CORO2B: variants seen among roughly 807,000 people sequenced by gnomAD.
The protein encoded by CORO2B is coronin-2B.
CORO2B carries 26 observed loss-of-function variants against 58.8 expected under a neutral mutation model. The observed-to-expected ratio is 0.44, with a 90% CI of 0.32 to 0.61. The LOEUF is 0.61. CORO2B is among the 20% of genes least tolerant of loss of function. The pLI, the probability that CORO2B is intolerant of heterozygous loss-of-function variation, is 0.04. For synonymous variants in CORO2B, 242 were observed against 253.8 expected (o/e 0.95, Z 0.44); for missense variants, 460 against 645.1 (o/e 0.71, Z 3.11).
intron 1 of CORO2B, among the ~76,000 whole-genome samples, chr15:68,614,259 A>G (rs146332413): frequency 4.1e-4 from 63 of 152,352 alleles, no homozygotes; most frequent in African/African-American, 1.5e-3. Context: ...TAAGTCCCCA[A>G]TTCTGCTTCT....
upstream of CORO2B, among the ~76,000 whole-genome samples, chr15:68,577,994 G>C (rs1899322127): frequency 6.6e-6 from 1 of 152,132 alleles, no homozygotes; most frequent in African/African-American, 2.4e-5. Flanking sequence ...GAACCCCTCT[G>C]CTTCCACCTC....
chr15:68,709,595 TATAAGCGTGCGCC>T (rs2140325971), intron 3 of CORO2B, among the ~76,000 whole-genome samples: 1 of 151,878 alleles, frequency 6.6e-6, no homozygotes, highest in South Asian at 2.1e-4. Flanking sequence ...TAGCTGGGAC[TATAAGCGTGCGCC>T]ACTACACCCG....
the CORO2B span, among the ~76,000 whole-genome samples, chr15:68,563,516 GA>G: frequency 2.0e-5 from 3 of 148,538 alleles, no homozygotes; most frequent in African/African-American, 5.0e-5. Context: ...AAAAGAAAAA[GA>G]AAAAAAGAAG....
At chr15:68,597,974 GAGTT>G (rs1899883307) in intron 1 of CORO2B, among the ~76,000 whole-genome samples, 1 of 152,242 alleles carries the variant, frequency 6.6e-6, no homozygotes, top group South Asian at 2.1e-4. Flanking sequence ...GGGTGGGTAT[GAGTT>G]AGAAGTCAGT....
the CORO2B span, among the ~76,000 whole-genome samples, chr15:68,520,082 GTTA>G: frequency 6.6e-6 from 1 of 152,064 alleles, no homozygotes; most frequent in Non-Finnish European, 1.5e-5. Context: ...TAATTTTCTT[GTTA>G]TTCTTTCATT....
the CORO2B span, among the ~76,000 whole-genome samples, chr15:68,542,423 C>T: frequency 6.6e-6 from 1 of 152,266 alleles, no homozygotes; most frequent in South Asian, 2.1e-4. Context: ...AACATCAGTT[C>T]CTTATTGCTG....
chr15:68,570,645 G>A, the CORO2B span, among the ~76,000 whole-genome samples: 4 of 152,268 alleles, frequency 2.6e-5, no homozygotes, highest in South Asian at 8.3e-4. Context: ...GAAGTACAAT[G>A]AAGGCTTTGG....
intron 1 of CORO2B, among the ~76,000 whole-genome samples, chr15:68,634,106 C>G (rs1900950308): frequency 6.6e-6 from 1 of 152,240 alleles, no homozygotes; most frequent in South Asian, 2.1e-4. Flanking sequence ...AAAAGTTGCT[C>G]AGCCTCACCT....
At chr15:68,617,702 G>A (rs1279452871) in intron 1 of CORO2B, among the ~76,000 whole-genome samples, 1 of 152,154 alleles carries the variant, frequency 6.6e-6, no homozygotes, top group African/African-American at 2.4e-5. Context: ...TTTTATAGAA[G>A]ATGAAAGTGG....
intron 2 of CORO2B, among the ~76,000 whole-genome samples, chr15:68,666,642 C>T (rs1260470781): frequency 4.0e-5 from 6 of 151,738 alleles, no homozygotes; most frequent in South Asian, 2.1e-4. Context: ...TCCTGGAGAG[C>T]GAGGGTGGAG....
At chr15:68,591,056 AG>A (rs1899692534) in intron 1 of CORO2B, among the ~76,000 whole-genome samples, 1 of 152,210 alleles carries the variant, frequency 6.6e-6, no homozygotes. Flanking sequence ...CTCTGTCTCC[AG>A]GGGGATCCTG....
the CORO2B span, among the ~76,000 whole-genome samples, chr15:68,520,597 C>T: frequency 2.6e-5 from 4 of 152,102 alleles, no homozygotes; most frequent in East Asian, 3.8e-4. Flanking sequence ...TTTTTCTATC[C>T]GTTTACTTTC....
At chr15:68,714,769 C>T in intron 7 of CORO2B, 106 bp downstream of exon 7, 1 of 845,808 alleles carries the variant, frequency 1.2e-6, no homozygotes, top group Non-Finnish European at 1.9e-6. Context: ...CCTAACCTTC[C>T]AAGTTCCTGG....
chr15:68,570,977 A>G, the CORO2B span, among the ~76,000 whole-genome samples: 1 of 152,028 alleles, frequency 6.6e-6, no homozygotes, highest in African/African-American at 2.4e-5. Flanking sequence ...ATTTTTGATG[A>G]TGGCACAAAG....
intron 1 of CORO2B, among the ~76,000 whole-genome samples, chr15:68,643,249 T>C (rs1230822437): frequency 2.6e-5 from 4 of 151,976 alleles, no homozygotes; most frequent in African/African-American, 9.7e-5. Flanking sequence ...GAGCCAGTGC[T>C]TGGGGAAGGG....
chr15:68,550,762 G>C, the CORO2B span, among the ~76,000 whole-genome samples: 1 of 152,210 alleles, frequency 6.6e-6, no homozygotes, highest in Non-Finnish European at 1.5e-5. Context: ...GGTGGCTTGG[G>C]AGCCAGAACA....
intron 1 of CORO2B, among the ~76,000 whole-genome samples, chr15:68,605,398 C>T (rs776656312): frequency 1.1e-4 from 17 of 152,098 alleles, no homozygotes; most frequent in Non-Finnish European, 2.1e-4. Context: ...ATGCTCATCA[C>T]GGCATTATTT....
At chr15:68,617,975 A>G (rs764858282) in intron 1 of CORO2B, among the ~76,000 whole-genome samples, 4 of 152,194 alleles carry the variant, frequency 2.6e-5, no homozygotes, top group Non-Finnish European at 5.9e-5. Flanking sequence ...TTGAGCATCT[A>G]CTATGTCCCA....
chr15:68,579,619 C>T (rs77710418), intron 1 of CORO2B, among the ~76,000 whole-genome samples: 5,449 of 152,208 alleles, frequency 0.036, 157 homozygotes, highest in Middle Eastern at 0.078. Context: ...CCAGGGAGTG[C>T]GCGGCGGGAA....
Sources: gnomAD v4.1 joint callset for allele counts (sites outside exome capture counted in the v4.1 genomes callset) on GRCh38, gnomAD v4.1.1 for gene constraint, MANE v1.5 for transcripts, NCBI Gene and HGNC (gene_info 2026-07-23, HGNC 2026-07-21) for gene names.